The following MARCHF3 variants were observed in gnomAD, a reference collection of about 807,000 sequenced individuals.
MARCHF3 encodes the protein membrane associated ring-CH-type finger 3, also known as E3 ubiquitin-protein ligase MARCHF3.
MARCHF3 carries 13 observed loss-of-function variants against 24.2 expected under a neutral mutation model. The ratio of observed to expected loss-of-function variants is 0.54; its 90% CI spans 0.35 to 0.85. MARCHF3 has a LOEUF of 0.85. Among genes scored for constraint, MARCHF3 ranks in the 40% least tolerant of loss-of-function variants. The pLI, the probability that MARCHF3 is intolerant of heterozygous loss-of-function variation, is 0.01. For missense variants in MARCHF3, 276 were observed against 325.0 expected (o/e 0.85, Z 1.16); for synonymous variants, 144 against 137.3 (o/e 1.05, Z -0.34).
intron 1 of MARCHF3, among the ~76,000 whole-genome samples, chr5:126,946,761 G>GTGTGTGTGT (rs1750025417): frequency 7.4e-6 from 1 of 135,946 alleles, no homozygotes; most frequent in Non-Finnish European, 1.6e-5. Context: ...TGTAAGTAGG[G>GTGTGTGTGT]GTGTGTGTGT....
intron 1 of MARCHF3, among the ~76,000 whole-genome samples, chr5:126,973,803 T>C (rs2064294075): frequency 6.6e-6 from 1 of 152,200 alleles, no homozygotes; most frequent in Non-Finnish European, 1.5e-5. Context: ...AACATTATTT[T>C]CAGGCATAAA....
Position 126,986,555 on chromosome 5 carries a change from A to T in MARCHF3, c.-57+43795T>A, listed in dbSNP as rs144334928. Among the ~76,000 whole-genome samples, 826 of 152,342 alleles carry T rather than the reference A, an allele frequency of 5.4e-3. 26 individuals carry two copies. The highest frequency in any genetic ancestry group is 2.7e-3 in the Non-Finnish European group (185 of 68,032). On this transcript the variant is annotated intron_variant, in intron 1 of 4. Transcript: ENST00000308660. Reference sequence around the variant, plus strand: ...CTTACTTCCAAATAAATAGGAAAACAGTTTCATTTAAATAGGTCAGAGTAA... The same window carrying T: ...CTTACTTCCAAATAAATAGGAAAACTGTTTCATTTAAATAGGTCAGAGTAA...
chr5:127,002,900 C>T (rs1474025525), intron 1 of MARCHF3, among the ~76,000 whole-genome samples: 2 of 152,212 alleles, frequency 1.3e-5, no homozygotes, highest in Admixed American at 1.3e-4. Flanking sequence ...GAATTTCTAC[C>T]GGGCCAAAAC....
intron 1 of MARCHF3, among the ~76,000 whole-genome samples, chr5:127,007,323 A>AT (rs1012539249): frequency 4.6e-5 from 7 of 151,246 alleles, no homozygotes; most frequent in African/African-American, 1.2e-4. Flanking sequence ...AGATACATGG[A>AT]TTTTTTTTAA....
At chr5:126,967,036 GT>G (rs1365925131) in intron 1 of MARCHF3, among the ~76,000 whole-genome samples, 1 of 147,468 alleles carries the variant, frequency 6.8e-6, no homozygotes, top group Non-Finnish European at 1.5e-5. Context: ...AAGTTCTTCA[GT>G]GGTGATTTGT....
At chr5:126,999,733 A>T (rs1175279720) in intron 1 of MARCHF3, among the ~76,000 whole-genome samples, 1 of 152,202 alleles carries the variant, frequency 6.6e-6, no homozygotes, top group African/African-American at 2.4e-5. Context: ...TGTTCAACAA[A>T]CAATGAACAC....
chr5:126,959,835 G>C (rs1321965991), intron 1 of MARCHF3, among the ~76,000 whole-genome samples: 1 of 152,072 alleles, frequency 6.6e-6, no homozygotes, highest in Non-Finnish European at 1.5e-5. Context: ...GTAACTAATA[G>C]ACAGTAAGCA....
At chr5:126,907,446 G>T (rs1754341459) in intron 3 of MARCHF3, among the ~76,000 whole-genome samples, 1 of 146,502 alleles carries the variant, frequency 6.8e-6, no homozygotes, top group African/African-American at 2.6e-5. Context: ...TTAATGTGTG[G>T]GAGTCTAAGT....
chr5:126,901,209 T>C (rs188260045), intron 3 of MARCHF3, among the ~76,000 whole-genome samples: 1 of 152,276 alleles, frequency 6.6e-6, no homozygotes, highest in Non-Finnish European at 1.5e-5. Flanking sequence ...TCTTCTCACA[T>C]ATCCATCACA....
At chr5:126,871,639 G>A (rs1342135878) in intron 4 of MARCHF3, among the ~76,000 whole-genome samples, 2 of 152,126 alleles carry the variant, frequency 1.3e-5, no homozygotes, top group Non-Finnish European at 1.5e-5. Flanking sequence ...AGAGTTTGCT[G>A]AGTAAATGAA....
At chr5:126,981,846 G>A (rs544642693) in intron 1 of MARCHF3, among the ~76,000 whole-genome samples, 158 of 152,242 alleles carry the variant, frequency 1.0e-3, no homozygotes, top group African/African-American at 3.7e-3. Flanking sequence ...TATGCTGCCA[G>A]GCATGCTCTT....
chr5:127,015,851 A>G (rs1752623764), intron 1 of MARCHF3, among the ~76,000 whole-genome samples: 1 of 152,136 alleles, frequency 6.6e-6, no homozygotes, highest in African/African-American at 2.4e-5. Context: ...TAAACTGTGC[A>G]CCGTTCTGAT....
chr5:126,962,827 G>A (rs978004358), intron 1 of MARCHF3, among the ~76,000 whole-genome samples: 5 of 78,630 alleles, frequency 6.4e-5, no homozygotes, highest in African/African-American at 2.7e-4. Context: ...GTGTGTGTGT[G>A]TGTGTGCGTG....
intron 3 of MARCHF3, among the ~76,000 whole-genome samples, chr5:126,885,250 G>A (rs1018270940): frequency 2.6e-5 from 4 of 152,150 alleles, no homozygotes; most frequent in Non-Finnish European, 4.4e-5. Flanking sequence ...GAACAGCACT[G>A]GAACATAGTA....
chr5:126,972,320 C>T (rs1751046360), intron 1 of MARCHF3, among the ~76,000 whole-genome samples: 1 of 151,536 alleles, frequency 6.6e-6, no homozygotes, highest in Non-Finnish European at 1.5e-5. Context: ...TTCATGTTAG[C>T]TTTCCCTAAG....
intron 1 of MARCHF3, among the ~76,000 whole-genome samples, chr5:126,964,263 G>A (rs531785363): frequency 6.6e-6 from 1 of 152,160 alleles, no homozygotes; most frequent in Non-Finnish European, 1.5e-5. Flanking sequence ...GCCTCAATAG[G>A]ATGTTCAAAT....
At chr5:126,952,281 G>T (rs1161097515) in intron 1 of MARCHF3, among the ~76,000 whole-genome samples, 1 of 152,178 alleles carries the variant, frequency 6.6e-6, no homozygotes, top group African/African-American at 2.4e-5. Context: ...TTATTAGGGG[G>T]AGGGGAGGGA....
intron 1 of MARCHF3, among the ~76,000 whole-genome samples, chr5:126,960,386 A>C (rs1355927844): frequency 6.6e-6 from 1 of 152,168 alleles, no homozygotes; most frequent in Non-Finnish European, 1.5e-5. Flanking sequence ...CCTTGGGACA[A>C]TGTTTCAAGT....
intron 1 of MARCHF3, among the ~76,000 whole-genome samples, chr5:126,979,948 CAAAAAAA>C (rs757849978): frequency 4.5e-5 from 2 of 44,906 alleles, no homozygotes; most frequent in Admixed American, 2.3e-4. Context: ...AACTCCATCT[CAAAAAAA>C]AAAAAAAAAA....
Sources: gnomAD v4.1 joint callset for allele counts (sites outside exome capture counted in the v4.1 genomes callset) on GRCh38, gnomAD v4.1.1 for gene constraint, MANE v1.5 for transcripts, NCBI Gene and HGNC (gene_info 2026-07-23, HGNC 2026-07-21) for gene names.